PTPRD: variants seen among roughly 807,000 people sequenced by gnomAD.
The protein encoded by PTPRD is protein tyrosine phosphatase receptor type D.
In PTPRD, 34 loss-of-function variants were observed where a neutral mutation model predicts 214.5. The observed-to-expected ratio is 0.16, with a 90% CI of 0.12 to 0.21. The LOEUF (loss-of-function observed/expected upper bound fraction) is 0.21, where lower values mean the gene tolerates loss of function less well. Ranked by LOEUF, PTPRD falls within the 10% of genes least tolerant of loss-of-function variation. The pLI is 1.00. For missense variants in PTPRD, 2,545 were observed against 2,398.7 expected (o/e 1.06, Z -1.27); for synonymous variants, 1,128 against 845.7 (o/e 1.33, Z -5.79).
intron 3 of PTPRD, among the ~76,000 whole-genome samples, chr9:10,159,977 A>T (rs1194939016): frequency 6.6e-6 from 1 of 152,100 alleles, no homozygotes; most frequent in African/African-American, 2.4e-5. Flanking sequence ...AACATTCTAA[A>T]ACTTGGCAAA....
chr9:9,373,045 T>A (rs1029619413), intron 9 of PTPRD, among the ~76,000 whole-genome samples: 1 of 152,088 alleles, frequency 6.6e-6, no homozygotes, highest in African/African-American at 2.4e-5. Flanking sequence ...ATGTTATGTA[T>A]CTTTAATTGC....
intron 2 of PTPRD, among the ~76,000 whole-genome samples, chr9:10,549,468 A>G (rs956131554): frequency 6.6e-6 from 1 of 152,208 alleles, no homozygotes; most frequent in Non-Finnish European, 1.5e-5. Flanking sequence ...TGCAAGACAA[A>G]GTGGCTATGC....
intron 10 of PTPRD, among the ~76,000 whole-genome samples, chr9:9,167,936 T>A (rs1387500264): frequency 6.6e-6 from 1 of 152,178 alleles, no homozygotes; most frequent in Non-Finnish European, 1.5e-5. Context: ...AAGCTCCCTC[T>A]CACATGCCAA....
intron 5 of PTPRD, among the ~76,000 whole-genome samples, chr9:9,890,361 A>AT (rs537055912): frequency 2.7e-4 from 41 of 150,968 alleles, no homozygotes; most frequent in Middle Eastern, 6.8e-3. Context: ...ACGCCTGGCT[A>AT]TTTTTTTTGA....
In PTPRD at chr9:9,505,287, T is replaced by A. The variant is rs534070406; in HGVS notation, c.-237+69445A>T. Among the ~76,000 whole-genome samples the A allele has an allele frequency of 5.9e-5, 9 of 151,750 alleles. No individual in the cohort carries two copies. In the East Asian group the frequency reaches 9.7e-4, roughly 16 times the overall value. On this transcript the variant is annotated intron_variant, in intron 8 of 45. Transcript: ENST00000381196. The stretch of plus-strand genomic sequence containing the variant: ...TTAATCAGCAGTAGATCCATTTTTT[T>A]AAATCCTTCTCTTCTTTATAGATCA...
At chr9:10,106,013 CAAAAAAAAA>C (rs35421883) in intron 3 of PTPRD, among the ~76,000 whole-genome samples, 1 of 56,670 alleles carries the variant, frequency 1.8e-5, no homozygotes, top group Non-Finnish European at 3.4e-5. Context: ...ATCACATATT[CAAAAAAAAA>C]AAAAAAAAAA....
At chr9:9,773,840 A>G (rs145340189) in intron 5 of PTPRD, among the ~76,000 whole-genome samples, 2 of 152,250 alleles carry the variant, frequency 1.3e-5, no homozygotes, top group African/African-American at 4.8e-5. Flanking sequence ...ACCCACAGAA[A>G]TCTTGGGGAA....
At chr9:9,084,230 G>C (rs780825670) in intron 10 of PTPRD, among the ~76,000 whole-genome samples, 22 of 152,132 alleles carry the variant, frequency 1.4e-4, no homozygotes, top group Admixed American at 2.6e-4. Flanking sequence ...CCATGAAAAA[G>C]GATGAGTTCA....
At chr9:8,859,155 G>A (rs1221186508) in intron 11 of PTPRD, among the ~76,000 whole-genome samples, 1 of 152,234 alleles carries the variant, frequency 6.6e-6, no homozygotes, top group Non-Finnish European at 1.5e-5. Flanking sequence ...AGACTGGGAA[G>A]TACTGAACCA....
chr9:10,455,407 T>C (rs555873730), intron 2 of PTPRD, among the ~76,000 whole-genome samples: 2 of 151,772 alleles, frequency 1.3e-5, no homozygotes, highest in Non-Finnish European at 1.5e-5. Context: ...TATCACCTTA[T>C]GCAAAAACGT....
chr9:10,391,312 C>T (rs933413509), intron 2 of PTPRD, among the ~76,000 whole-genome samples: 1 of 151,762 alleles, frequency 6.6e-6, no homozygotes, highest in African/African-American at 2.4e-5. Context: ...TTATTATCTA[C>T]ATTAAAATCT....
chr9:8,698,598 C>T (rs1426730262), intron 12 of PTPRD, among the ~76,000 whole-genome samples: 1 of 152,120 alleles, frequency 6.6e-6, no homozygotes. Context: ...ACAAAGGATA[C>T]GTTTTATCTT....
intron 2 of PTPRD, among the ~76,000 whole-genome samples, chr9:10,593,501 G>A (rs2075982102): frequency 6.6e-6 from 1 of 152,060 alleles, no homozygotes; most frequent in South Asian, 2.1e-4. Context: ...TTAATAGACT[G>A]GTTAAACCTA....
chr9:10,051,707 G>A lies in PTPRD; in HGVS notation c.-544-17917C>T, dbSNP rs1470370523. Reference sequence around the variant, plus strand: ...TGAGTGAGAACATTCTTATGTCAAGGAATGGTGTATTGCTTCTTCTGTGCC... The same window carrying A: ...TGAGTGAGAACATTCTTATGTCAAGAAATGGTGTATTGCTTCTTCTGTGCC... On this transcript the variant is annotated intron_variant, in intron 3 of 45. Transcript: ENST00000381196. 3.3e-5 allele frequency among the ~76,000 whole-genome samples: 5 copies of A among 152,018 alleles called. No homozygotes were observed. The East Asian group carries it at 9.7e-4, about 30-fold the overall frequency.
intron 9 of PTPRD, among the ~76,000 whole-genome samples, chr9:9,194,718 C>T (rs542655986): frequency 5.0e-4 from 76 of 152,182 alleles, no homozygotes; most frequent in African/African-American, 1.1e-3. Context: ...TGAAATAGGG[C>T]GCTGGGATCC....
At position 9,730,743 on chromosome 9, in the gene PTPRD, T is replaced by G. The variant is rs556442142; in HGVS notation, c.-287+3790A>C. Among the ~76,000 whole-genome samples, 4 of 152,240 alleles carry G rather than the reference T, an allele frequency of 2.6e-5. No homozygotes were observed. The South Asian group carries it at 8.3e-4, about 32-fold the overall frequency. ...CATCTTGATTCATTAAGTATGAGAC[T>G]GTAGATGAACTAATTAAGCTCTCTG... On this transcript the variant is annotated intron_variant, in intron 7 of 45. Transcript: ENST00000381196.
Position 10,031,647 on chromosome 9 carries a change from T to TATATATATATATATATACACACACAC in PTPRD, c.-472+2070_-472+2071insGTGTGTGTGTATATATATATATATAT. ...CTCCATATATATATATATATATATA[T>TATATATATATATATATACACACACAC]ACACACACACACACACACATACACA... On this transcript the variant is annotated intron_variant, in intron 4 of 45. Coordinates refer to ENST00000381196, the MANE Select transcript of PTPRD (RefSeq NM_002839.4). 2.7e-4 allele frequency among the ~76,000 whole-genome samples: 24 copies of TATATATATATATATATACACACACAC among 89,632 alleles called. No homozygotes were observed. In the South Asian group the frequency reaches 3.4e-3, roughly 13 times the overall value. 58.8% of individuals were successfully genotyped at this position (89,632 alleles called of 152,430 possible). A position where few individuals can be genotyped will look rare whatever the true frequency, so the allele number is the denominator to read the frequency against.
At chr9:9,697,212 A>T (rs2097394639) in intron 7 of PTPRD, among the ~76,000 whole-genome samples, 1 of 152,078 alleles carries the variant, frequency 6.6e-6, no homozygotes, top group South Asian at 2.1e-4. Flanking sequence ...AGTGGATTGC[A>T]AATCACAATT....
intron 5 of PTPRD, among the ~76,000 whole-genome samples, chr9:9,783,862 T>C (rs1451632523): frequency 6.8e-6 from 1 of 146,534 alleles, no homozygotes; most frequent in African/African-American, 2.5e-5. Context: ...TGCTCAAGAG[T>C]AAAATGAACC....
Sources: gnomAD v4.1 joint callset for allele counts (sites outside exome capture counted in the v4.1 genomes callset) on GRCh38, gnomAD v4.1.1 for gene constraint, MANE v1.5 for transcripts, NCBI Gene and HGNC (gene_info 2026-07-23, HGNC 2026-07-21) for gene names.